GRHL2: variants seen among roughly 807,000 people sequenced by gnomAD.
GRHL2 encodes grainyhead like transcription factor 2.
Under a neutral mutation model 83.8 loss-of-function variants are expected in GRHL2, and 21 were observed. That is an observed-to-expected ratio of 0.25 (90% CI 0.18 to 0.36). The LOEUF is 0.36. GRHL2 is among the 10% of genes least tolerant of loss of function. The pLI is 1.00. For synonymous variants in GRHL2, 280 were observed against 278.9 expected, an observed-to-expected ratio of 1.00 and a Z score of -0.04; for missense variants, 623 against 781.8, an observed-to-expected ratio of 0.80 and a Z score of 2.42.
At chr8:101,591,506 A>G (rs374614036) in intron 7 of GRHL2, among the ~76,000 whole-genome samples, 1 of 152,204 alleles carries the variant, frequency 6.6e-6, no homozygotes, top group Non-Finnish European at 1.5e-5. Flanking sequence ...ACATTCCTTC[A>G]GTGCTTCCCA....
intron 4 of GRHL2, 31 bp from the exon 5 acceptor site, chr8:101,570,308 T>G: frequency 6.4e-7 from 1 of 1,567,358 alleles, no homozygotes. Flanking sequence ...CTTACCTATT[T>G]GTTTTAATTC....
chr8:101,610,845 G>T (rs1434944184), intron 8 of GRHL2, among the ~76,000 whole-genome samples: 1 of 150,846 alleles, frequency 6.6e-6, no homozygotes. Flanking sequence ...AAGAGACAAG[G>T]GTTGGTGGAA....
intron 1 of GRHL2, among the ~76,000 whole-genome samples, chr8:101,493,859 TGACGGCCTCCCCCCTG>T (rs1241508540): frequency 1.6e-4 from 24 of 151,580 alleles, no homozygotes; most frequent in Non-Finnish European, 1.9e-4. Flanking sequence ...GGCCGCGTCC[TGACGGCCTCCCCCCTG>T]GCCGGCCCCC....
intron 5 of GRHL2, among the ~76,000 whole-genome samples, chr8:101,572,273 T>C (rs917589987): frequency 1.3e-5 from 2 of 152,170 alleles, no homozygotes; most frequent in African/African-American, 4.8e-5. Context: ...GAAATTGCTT[T>C]TTCAGACAAA....
intron 1 of GRHL2, among the ~76,000 whole-genome samples, chr8:101,499,633 A>G (rs1464184945): frequency 2.6e-5 from 4 of 152,224 alleles, no homozygotes; most frequent in Non-Finnish European, 5.9e-5. Flanking sequence ...GATGTCAACT[A>G]GGTTTAACCT....
rs1292628783 is a variant in GRHL2 at position 101,492,724 on chromosome 8, G to A, written c.-46G>A. 2.5e-6 allele frequency: 4 copies of A among 1,589,424 alleles called. No individual in the cohort carries two copies. Among genetic ancestry groups the A allele is most frequent in the Admixed American group, 3.3e-5 (2 of 59,966 alleles). On this transcript the variant is annotated 5_prime_UTR_variant, in exon 1 of 16. Coordinates refer to ENST00000646743, the MANE Select transcript of GRHL2 (RefSeq NM_024915.4). ...CAGACTTGAAAGTCCAGTTTCACCAGAGGCTGAGGCTCCAGGAAAAGCGGA... is the reference window on the plus strand; with the variant it reads ...CAGACTTGAAAGTCCAGTTTCACCAAAGGCTGAGGCTCCAGGAAAAGCGGA...
intron 1 of GRHL2, among the ~76,000 whole-genome samples, chr8:101,517,082 C>T (rs975703597): frequency 2.0e-5 from 3 of 152,102 alleles, no homozygotes; most frequent in South Asian, 2.1e-4. Context: ...GCCTCTGCTT[C>T]GATTGAGGAC....
At chr8:101,601,254 AC>A (rs1407432215) in intron 8 of GRHL2, among the ~76,000 whole-genome samples, 3 of 152,166 alleles carry the variant, frequency 2.0e-5, no homozygotes, top group African/African-American at 7.2e-5. Context: ...GCAAGCTATA[AC>A]TATGAGCTGT....
At position 101,594,272 on chromosome 8, in the gene GRHL2, T is replaced by C. The variant is rs115364633; in HGVS notation, c.1004-4785T>C. 3.7e-3 allele frequency among the ~76,000 whole-genome samples: 566 copies of C among 152,242 alleles called. 4 individuals are homozygous for C. The highest frequency in any genetic ancestry group is 0.013 in the African/African-American group (551 of 41,526). On this transcript the variant is annotated intron_variant, in intron 7 of 15. Transcript: ENST00000646743. ...ATATTCCTGTTGTTCAAAGCCACCA[T>C]GTTTATGGTAATTAGTTATGACAGC...
chr8:101,514,747 A>T (rs900523482), intron 1 of GRHL2, among the ~76,000 whole-genome samples: 1 of 152,280 alleles, frequency 6.6e-6, no homozygotes, highest in East Asian at 1.9e-4. Context: ...TTTTTCAGGT[A>T]GTGACTTATT....
At chr8:101,527,522 C>T (rs536048176) in intron 1 of GRHL2, among the ~76,000 whole-genome samples, 5 of 152,220 alleles carry the variant, frequency 3.3e-5, no homozygotes, top group African/African-American at 9.6e-5. Context: ...TTAAACAACT[C>T]TTCTCCTGTC....
chr8:101,669,996 G>GTT (rs1252590277), downstream of GRHL2, among the ~76,000 whole-genome samples: 2 of 152,186 alleles, frequency 1.3e-5, no homozygotes, highest in Non-Finnish European at 2.9e-5. Context: ...TGGGCAGGGA[G>GTT]TTGGTTCTGT....
At chr8:101,637,879 G>A (rs11995278) in intron 12 of GRHL2, among the ~76,000 whole-genome samples, 18,167 of 152,070 alleles carry the variant, frequency 0.12, 2,371 homozygotes, top group African/African-American at 0.33. Flanking sequence ...TTTCCTCCCT[G>A]CAACTGTTCT....
Position 101,666,856 on chromosome 8 carries a change from C to T in GRHL2, c.*153C>T, listed in dbSNP as rs1814075300. The T allele has an allele frequency of 1.4e-6, 1 of 692,238 alleles. No individual in the cohort carries two copies. Among genetic ancestry groups the T allele is most frequent in the South Asian group, 1.6e-5 (1 of 64,278 alleles). The allele number at this position is 692,238 out of a possible 1,614,324, so 42.9% of individuals were successfully genotyped here. A position where few individuals can be genotyped will look rare whatever the true frequency, so the allele number is the denominator to read the frequency against. ...TGGGGAGTGGGGCAAGGGACAGGCC[C>T]CACTGTCGGTGTGCTTGGCCCATCC... On this transcript the variant is annotated 3_prime_UTR_variant, in exon 16 of 16. Coordinates refer to ENST00000646743, the MANE Select transcript of GRHL2 (RefSeq NM_024915.4).
intron 8 of GRHL2, among the ~76,000 whole-genome samples, chr8:101,602,958 G>T (rs1812549032): frequency 6.6e-6 from 1 of 152,074 alleles, no homozygotes; most frequent in African/African-American, 2.4e-5. Context: ...GGTCCTCATG[G>T]GGCTGCAGTG....
Position 101,525,038 on chromosome 8 carries a change from G to T in GRHL2, c.21-18203G>T, listed in dbSNP as rs148528627. 3.0e-3 allele frequency among the ~76,000 whole-genome samples: 464 copies of T among 152,172 alleles called. 5 individuals carry two copies. Among genetic ancestry groups the T allele is most frequent in the African/African-American group, 9.8e-3 (409 of 41,532 alleles). ...GCTCACCACAACCTCCGCCTCCCAG[G>T]TTCAAGCGATTCTCCTGCCTCAGCT... On this transcript the variant is annotated intron_variant, in intron 1 of 15. Coordinates refer to ENST00000646743, the MANE Select transcript of GRHL2 (RefSeq NM_024915.4).
intron 1 of GRHL2, among the ~76,000 whole-genome samples, chr8:101,496,200 C>T (rs1001720198): frequency 5.3e-5 from 8 of 150,828 alleles, no homozygotes; most frequent in African/African-American, 9.7e-5. Flanking sequence ...CCCTACTCAT[C>T]GCATTTTTGC....
intron 1 of GRHL2, among the ~76,000 whole-genome samples, chr8:101,503,357 G>T (rs1810271453): frequency 6.6e-6 from 1 of 152,202 alleles, no homozygotes; most frequent in Admixed American, 6.5e-5. Context: ...AGTAAAAGCT[G>T]TATAAGTGGC....
At chr8:101,596,332 A>G (rs1189357775) in intron 7 of GRHL2, among the ~76,000 whole-genome samples, 1 of 152,192 alleles carries the variant, frequency 6.6e-6, no homozygotes, top group East Asian at 1.9e-4. Context: ...TGTTACTGTG[A>G]ACGTCAATTG....
Sources: allele counts gnomAD v4.1 joint callset (sites outside exome capture counted in the v4.1 genomes callset), GRCh38; gene constraint gnomAD v4.1.1; transcripts MANE v1.5; gene names NCBI Gene and HGNC (gene_info 2026-07-23, HGNC 2026-07-21).